The following MTUS2 variants were observed in gnomAD, a reference collection of about 807,000 sequenced individuals.
MTUS2 encodes microtubule associated scaffold protein 2, also known as microtubule-associated tumor suppressor candidate 2.
MTUS2 carries 40 observed loss-of-function variants against 114.1 expected under a neutral mutation model. The observed-to-expected ratio is 0.35, with a 90% CI of 0.27 to 0.46. The LOEUF (loss-of-function observed/expected upper bound fraction) is 0.46, where lower values mean the gene tolerates loss of function less well. MTUS2 is among the 20% of genes least tolerant of loss of function. MTUS2 has a pLI of 1.00. For synonymous variants in MTUS2, 688 were observed against 672.0 expected (o/e 1.02, Z -0.37); for missense variants, 1,679 against 1,705.4 (o/e 0.98, Z 0.27).
chr13:29,054,014 A>C (rs112267832), intron 4 of MTUS2, among the ~76,000 whole-genome samples: 210 of 152,336 alleles, frequency 1.4e-3, no homozygotes, highest in African/African-American at 4.9e-3. Flanking sequence ...CAGTTTTCCT[A>C]TCTTACAGTC....
At chr13:28,852,853 G>A (rs989601224) in intron 2 of MTUS2, among the ~76,000 whole-genome samples, 4 of 149,388 alleles carry the variant, frequency 2.7e-5, no homozygotes, top group South Asian at 2.1e-4. Context: ...TCTTAAATAC[G>A]TACATACATA....
At chr13:29,040,534 C>A (rs1318486181) in intron 4 of MTUS2, among the ~76,000 whole-genome samples, 8 of 152,318 alleles carry the variant, frequency 5.3e-5, no homozygotes, top group African/African-American at 1.9e-4. Context: ...AAGGAGTCTC[C>A]ACACTGCTTT....
At chr13:29,450,153 G>A (rs78503957) in intron 9 of MTUS2, among the ~76,000 whole-genome samples, 7,168 of 152,238 alleles carry the variant, frequency 0.047, 205 homozygotes, top group South Asian at 0.065. Context: ...TCTCTGGGGG[G>A]AAGTGTCCAG....
chr13:29,015,604 G>T (rs1036757501), intron 2 of MTUS2, among the ~76,000 whole-genome samples: 8 of 152,186 alleles, frequency 5.3e-5, no homozygotes, highest in Non-Finnish European at 8.8e-5. Flanking sequence ...TTATCTGAAG[G>T]AAGTAAAAGG....
chr13:29,166,665 A>G (rs539012531), intron 5 of MTUS2, among the ~76,000 whole-genome samples: 12 of 152,194 alleles, frequency 7.9e-5, no homozygotes, highest in Non-Finnish European at 1.0e-4. Flanking sequence ...TTTTATATGT[A>G]TTTACATTTA....
At chr13:29,038,068 A>G (rs150735480) in intron 4 of MTUS2, among the ~76,000 whole-genome samples, 2 of 152,288 alleles carry the variant, frequency 1.3e-5, no homozygotes, top group Non-Finnish European at 2.9e-5. Context: ...GCAAGGAGTT[A>G]TGATCCTTTG....
Position 28,947,692 on chromosome 13 carries a change from C to T in MTUS2, c.-242-76765C>T, listed in dbSNP as rs1004924759. On this transcript the variant is annotated intron_variant, in intron 2 of 15. Coordinates refer to ENST00000612955, the MANE Select transcript of MTUS2 (RefSeq NM_001033602.4). Reference sequence around the variant, plus strand: ...ACTGTAGCACTTGTATCTCCAACACCTTTCAGGTCTTACCCAGTGCTAGTT... The same window carrying T: ...ACTGTAGCACTTGTATCTCCAACACTTTTCAGGTCTTACCCAGTGCTAGTT... 2.0e-5 allele frequency among the ~76,000 whole-genome samples: 3 copies of T among 152,174 alleles called. No individual in the cohort carries two copies. The South Asian group carries it at 6.2e-4, about 31-fold the overall frequency.
chr13:29,006,876 C>T (rs1003625411), intron 2 of MTUS2, among the ~76,000 whole-genome samples: 1 of 152,192 alleles, frequency 6.6e-6, no homozygotes, highest in East Asian at 1.9e-4. Flanking sequence ...GGAAATCCTT[C>T]ATCCATTGAA....
At chr13:28,955,211 C>A (rs781263679) in intron 2 of MTUS2, among the ~76,000 whole-genome samples, 1 of 152,206 alleles carries the variant, frequency 6.6e-6, no homozygotes, top group Non-Finnish European at 1.5e-5. Flanking sequence ...GTAATACCAG[C>A]CTGACATTGC....
intron 7 of MTUS2, among the ~76,000 whole-genome samples, chr13:29,325,706 T>C (rs1287812174): frequency 1.3e-5 from 2 of 152,206 alleles, no homozygotes; most frequent in East Asian, 3.9e-4. Context: ...CAGCTAATGT[T>C]TGAGCTCTAA....
chr13:28,828,352 A>G (rs1442058684), intron 1 of MTUS2, among the ~76,000 whole-genome samples: 1 of 152,152 alleles, frequency 6.6e-6, no homozygotes, highest in Non-Finnish European at 1.5e-5. Context: ...TGTGCAGTTA[A>G]CACAATCATC....
intron 6 of MTUS2, among the ~76,000 whole-genome samples, chr13:29,298,794 T>C (rs1899061699): frequency 6.6e-6 from 1 of 152,216 alleles, no homozygotes; most frequent in South Asian, 2.1e-4. Context: ...TTTCCAGTAA[T>C]GAAAGAATCA....
At chr13:29,261,427 A>T (rs1897467381) in intron 5 of MTUS2, among the ~76,000 whole-genome samples, 1 of 152,196 alleles carries the variant, frequency 6.6e-6, no homozygotes, top group Non-Finnish European at 1.5e-5. Context: ...GTTTCTCAGG[A>T]TTTGAACTTG....
Position 29,205,474 on chromosome 13 carries a change from T to C in MTUS2, c.2645-76230T>C, listed in dbSNP as rs151267685. Among the ~76,000 whole-genome samples the C allele has an allele frequency of 6.5e-3, 996 of 152,274 alleles. 11 individuals are homozygous for C. The highest frequency in any genetic ancestry group is 0.023 in the African/African-American group (935 of 41,554). On this transcript the variant is annotated intron_variant, in intron 5 of 15. Transcript: ENST00000612955. Reference sequence around the variant, plus strand: ...TGTTTAATTACATGTATAAGTTCTTTCGTTGTGATTTCTGAGGTTTTGGTG... The same window carrying C: ...TGTTTAATTACATGTATAAGTTCTTCCGTTGTGATTTCTGAGGTTTTGGTG...
chr13:29,001,855 A>T (rs1023303181), intron 2 of MTUS2, among the ~76,000 whole-genome samples: 4 of 152,180 alleles, frequency 2.6e-5, no homozygotes, highest in Non-Finnish European at 5.9e-5. Flanking sequence ...AGGAGATGTG[A>T]TGATCAAAAC....
intron 8 of MTUS2, among the ~76,000 whole-genome samples, chr13:29,384,375 C>T (rs1449426046): frequency 6.6e-6 from 1 of 152,214 alleles, no homozygotes. Context: ...AATCCAAGAT[C>T]TGACCTGTTA....
intron 2 of MTUS2, among the ~76,000 whole-genome samples, chr13:29,015,411 T>C (rs1886024018): frequency 6.6e-6 from 1 of 152,182 alleles, no homozygotes; most frequent in South Asian, 2.1e-4. Flanking sequence ...GGCATGTTTT[T>C]CTCTTGAGGG....
chr13:28,883,247 C>A (rs993677784), intron 2 of MTUS2, among the ~76,000 whole-genome samples: 2 of 152,160 alleles, frequency 1.3e-5, no homozygotes, highest in East Asian at 1.9e-4. Flanking sequence ...TTGGCACTTT[C>A]CTGTAAAGCT....
intron 10 of MTUS2, chr13:29,487,668 A>G: frequency 1.8e-6 from 1 of 560,152 alleles, no homozygotes; most frequent in African/African-American, 1.9e-5. Context: ...TACCTCAGGC[A>G]GTGATCCCCT....
Sources: allele counts gnomAD v4.1 joint callset (sites outside exome capture counted in the v4.1 genomes callset), GRCh38; gene constraint gnomAD v4.1.1; transcripts MANE v1.5; gene names NCBI Gene and HGNC (gene_info 2026-07-23, HGNC 2026-07-21).